ITGB5: variants seen among roughly 807,000 people sequenced by gnomAD.
The protein encoded by ITGB5 is integrin beta-5.
ITGB5 carries 38 observed loss-of-function variants against 84.8 expected under a neutral mutation model. That is an observed-to-expected ratio of 0.45 (90% CI 0.35 to 0.59). The LOEUF is 0.59. Ranked by LOEUF, ITGB5 falls within the 20% of genes least tolerant of loss-of-function variation. The pLI is 0.01. For missense variants in ITGB5, 905 were observed against 1,034.5 expected, an observed-to-expected ratio of 0.87 and a Z score of 1.72; for synonymous variants, 393 against 414.4, an observed-to-expected ratio of 0.95 and a Z score of 0.63.
chr3:124,882,109 A>G (rs1934597575), intron 1 of ITGB5, among the ~76,000 whole-genome samples: 1 of 152,070 alleles, frequency 6.6e-6, no homozygotes, highest in Non-Finnish European at 1.5e-5. Context: ...CGCCCTCTTC[A>G]CCTCCCAATT....
At chr3:124,899,830 G>A (rs1397037751) in intron 1 of ITGB5, among the ~76,000 whole-genome samples, 14 of 106,608 alleles carry the variant, frequency 1.3e-4, no homozygotes, top group African/African-American at 5.1e-4. Context: ...CTCCAGCCTC[G>A]CCAGCATAGC....
At chr3:124,844,167 A>G (rs933945550) in intron 4 of ITGB5, among the ~76,000 whole-genome samples, 9 of 150,680 alleles carry the variant, frequency 6.0e-5, no homozygotes, top group African/African-American at 2.0e-4. Flanking sequence ...GAAACCATTC[A>G]ATAAATGAAT....
intron 1 of ITGB5, among the ~76,000 whole-genome samples, chr3:124,893,774 A>G (rs186496668): frequency 1.0e-3 from 158 of 152,280 alleles, no homozygotes; most frequent in African/African-American, 3.6e-3. Context: ...GTCATTGCCA[A>G]GTGTGAGGGG....
chr3:124,765,902 T>A (rs1047888965), intron 13 of ITGB5, among the ~76,000 whole-genome samples: 3 of 151,546 alleles, frequency 2.0e-5, no homozygotes, highest in African/African-American at 7.3e-5. Flanking sequence ...ACCAAAAACA[T>A]ACAAAAATTA....
chr3:124,862,706 G>A (rs1481487807), intron 2 of ITGB5: 1 of 152,122 alleles, frequency 6.6e-6, no homozygotes, highest in Non-Finnish European at 1.5e-5. Flanking sequence ...AGGATGTTAG[G>A]AGCAAAGCCC....
chr3:124,798,705 C>A (rs142634422), intron 9 of ITGB5, among the ~76,000 whole-genome samples: 1 of 152,162 alleles, frequency 6.6e-6, no homozygotes, highest in East Asian at 1.9e-4. Context: ...GGATTACAGG[C>A]GTGAGCCACT....
chr3:124,819,792 T>G lies in ITGB5; in HGVS notation c.985A>C (p.Asn329His). 6.2e-7 allele frequency: 1 copy of G among 1,614,100 alleles called. No individual in the cohort carries two copies. The change falls in exon 7 of 15, where the codon AAC becomes CAC. Residue 329 changes from asparagine to histidine, a missense_variant. This residue lies in a region of ITGB5 where 656 missense variants were observed against 734.7 expected (regional missense o/e 0.89). Coordinates refer to ENST00000296181, the MANE Select transcript of ITGB5 (RefSeq NM_002213.5). ...ACTGCAAAGATGAGGTTGATGTTGT[T>G]CTCTGCCAATTTCTCTCCAAGCAAG... The part of the protein sequence containing the change: ...LALLGEKLAE[N>H]NINLIFAVTK...
intron 11 of ITGB5, among the ~76,000 whole-genome samples, chr3:124,773,372 G>T (rs899714974): frequency 3.9e-5 from 6 of 152,216 alleles, no homozygotes; most frequent in Non-Finnish European, 5.9e-5. Context: ...CTCTGAGAAG[G>T]TGCTATTTTT....
chr3:124,870,544 C>T (rs1270299664), intron 2 of ITGB5, among the ~76,000 whole-genome samples: 4 of 151,990 alleles, frequency 2.6e-5, no homozygotes, highest in East Asian at 1.9e-4. Flanking sequence ...CTGGCCAAGA[C>T]GGTGAAACCC....
chr3:124,810,346 G>T (rs531699997), intron 8 of ITGB5, among the ~76,000 whole-genome samples: 36 of 152,160 alleles, frequency 2.4e-4, no homozygotes, highest in Non-Finnish European at 4.1e-4. Flanking sequence ...GGCAGAATAG[G>T]GACTTCTGGG....
intron 10 of ITGB5, chr3:124,792,247 A>G (rs1021330117): frequency 6.6e-6 from 1 of 152,256 alleles, no homozygotes; most frequent in Admixed American, 6.5e-5. Flanking sequence ...ATTATAGGAA[A>G]AAAAGCATCA....
chr3:124,871,497 T>C (rs1460019986), intron 2 of ITGB5, among the ~76,000 whole-genome samples: 1 of 152,110 alleles, frequency 6.6e-6, no homozygotes, highest in South Asian at 2.1e-4. Flanking sequence ...CCTGGCCGAA[T>C]TGATTCTTAA....
chr3:124,894,518 A>T (rs1023087069), intron 1 of ITGB5: 5 of 152,048 alleles, frequency 3.3e-5, no homozygotes, highest in Admixed American at 3.3e-4. Flanking sequence ...TTTCTTTAAG[A>T]TTATCAGTAG....
chr3:124,857,116 G>A (rs1361686440), intron 3 of ITGB5: 1 of 152,140 alleles, frequency 6.6e-6, no homozygotes, highest in African/African-American at 2.4e-5. Flanking sequence ...AATTAAAATA[G>A]ACAAAATAAA....
intron 12 of ITGB5, 92 bp from the exon 13 acceptor site, chr3:124,766,437 G>C (rs1195134382): frequency 1.3e-6 from 2 of 1,500,514 alleles, no homozygotes; most frequent in Non-Finnish European, 1.8e-6. Flanking sequence ...CCTTGAAAAA[G>C]GAAAGGGCAT....
intron 1 of ITGB5, among the ~76,000 whole-genome samples, chr3:124,898,492 A>G (rs1389364114): frequency 1.3e-5 from 2 of 151,358 alleles, no homozygotes; most frequent in Admixed American, 1.3e-4. Flanking sequence ...AAATACAAAA[A>G]AAATAGCCAG....
chr3:124,860,572 T>C (rs1366332875), intron 2 of ITGB5, among the ~76,000 whole-genome samples: 2 of 152,202 alleles, frequency 1.3e-5, no homozygotes, highest in African/African-American at 4.8e-5. Flanking sequence ...TGAAACAATA[T>C]ACTTTATTAT....
At chr3:124,808,016 C>CAAG (rs2064436810) in intron 9 of ITGB5, among the ~76,000 whole-genome samples, 1 of 121,122 alleles carries the variant, frequency 8.3e-6, no homozygotes, top group Admixed American at 1.0e-4. Flanking sequence ...GGGTGAGGGA[C>CAAG]AAGTGTGAAG....
At chr3:124,880,754 C>T (rs1934529063) in intron 1 of ITGB5, among the ~76,000 whole-genome samples, 1 of 151,912 alleles carries the variant, frequency 6.6e-6, no homozygotes, top group African/African-American at 2.4e-5. Flanking sequence ...ATCGTGAAAC[C>T]CTATCTTTAC....
Sources: gnomAD v4.1 joint callset for allele counts (sites outside exome capture counted in the v4.1 genomes callset) on GRCh38, gnomAD v4.1.1 for gene constraint, gnomAD v4.1.1 regional missense constraint, MANE v1.5 for transcripts, NCBI Gene and HGNC (gene_info 2026-07-23, HGNC 2026-07-21) for gene names.